CSMD1: variants seen among roughly 807,000 people sequenced by gnomAD.
The protein encoded by CSMD1 is CUB and Sushi multiple domains 1.
Under a neutral mutation model 417.5 loss-of-function variants are expected in CSMD1, and 213 were observed. The observed-to-expected ratio is 0.51, with a 90% confidence interval of 0.46 to 0.57. The LOEUF (loss-of-function observed/expected upper bound fraction) is 0.57, where lower values mean the gene tolerates loss of function less well. Ranked by LOEUF, CSMD1 falls within the 20% of genes least tolerant of loss-of-function variation. The pLI, the probability that CSMD1 is intolerant of heterozygous loss-of-function variation, is 0.00. For synonymous variants in CSMD1, 2,862 were observed against 1,736.8 expected (o/e 1.65, Z -16.11); for missense variants, 6,923 against 4,529.7 (o/e 1.53, Z -15.17).
chr8:3,079,738 G>A (rs1004053882), intron 49 of CSMD1, among the ~76,000 whole-genome samples: 1 of 152,114 alleles, frequency 6.6e-6, no homozygotes, highest in Non-Finnish European at 1.5e-5. Context: ...TGAATGCAGG[G>A]TATAATGGAA....
intron 3 of CSMD1, among the ~76,000 whole-genome samples, chr8:4,397,321 A>G (rs939119170): frequency 1.3e-5 from 2 of 152,206 alleles, no homozygotes; most frequent in East Asian, 3.8e-4. Flanking sequence ...ATGTATAAGC[A>G]TATTCAACTG....
intron 1 of CSMD1, among the ~76,000 whole-genome samples, chr8:4,861,986 T>C (rs1802163848): frequency 6.6e-6 from 1 of 152,034 alleles, no homozygotes; most frequent in African/African-American, 2.4e-5. Flanking sequence ...TTAACTAGTA[T>C]TGAACATGAA....
intron 1 of CSMD1, among the ~76,000 whole-genome samples, chr8:4,924,137 A>C (rs1040904333): frequency 6.6e-6 from 1 of 152,234 alleles, no homozygotes; most frequent in African/African-American, 2.4e-5. Flanking sequence ...GCTCACAAAT[A>C]AACATCCAGA....
intron 6 of CSMD1, among the ~76,000 whole-genome samples, chr8:3,728,971 G>T (rs1199664155): frequency 2.0e-5 from 3 of 152,206 alleles, no homozygotes; most frequent in African/African-American, 7.2e-5. Flanking sequence ...AATATCTGCA[G>T]GGCTGAGGTG....
At chr8:3,434,264 G>C (rs921101680) in intron 12 of CSMD1, among the ~76,000 whole-genome samples, 12 of 152,110 alleles carry the variant, frequency 7.9e-5, no homozygotes, top group African/African-American at 2.9e-4. Flanking sequence ...TTTTAAAACT[G>C]TGTTTCATTT....
At chr8:3,617,534 T>C (rs1450102593) in intron 7 of CSMD1, among the ~76,000 whole-genome samples, 1 of 152,088 alleles carries the variant, frequency 6.6e-6, no homozygotes, top group Non-Finnish European at 1.5e-5. Context: ...TAATGAGATG[T>C]GAGGGGAAGT....
intron 3 of CSMD1, among the ~76,000 whole-genome samples, chr8:4,300,322 T>G (rs1310277909): frequency 6.6e-6 from 1 of 152,152 alleles, no homozygotes; most frequent in African/African-American, 2.4e-5. Context: ...CCTCAAAAAG[T>G]TTGTGGAAAA....
At chr8:4,237,622 C>A (rs1344366950) in intron 3 of CSMD1, among the ~76,000 whole-genome samples, 2 of 151,960 alleles carry the variant, frequency 1.3e-5, no homozygotes, top group Non-Finnish European at 2.9e-5. Context: ...GCAGCCTCAA[C>A]CTCCTGCCTC....
chr8:3,636,808 T>C (rs56332609), intron 7 of CSMD1, among the ~76,000 whole-genome samples: 1 of 152,092 alleles, frequency 6.6e-6, no homozygotes, highest in Non-Finnish European at 1.5e-5. Flanking sequence ...TACGATCATA[T>C]CTTTTCTTTA....
At chr8:3,444,825 C>T (rs1255319019) in intron 12 of CSMD1, among the ~76,000 whole-genome samples, 1 of 152,166 alleles carries the variant, frequency 6.6e-6, no homozygotes, top group Non-Finnish European at 1.5e-5. Flanking sequence ...TATAGGAGAA[C>T]CTCAGCAAGT....
chr8:3,519,657 C>A (rs562977726), intron 10 of CSMD1, among the ~76,000 whole-genome samples: 2 of 152,286 alleles, frequency 1.3e-5, no homozygotes, highest in South Asian at 4.1e-4. Flanking sequence ...GAAAGCTTAT[C>A]AAGCAGCATG....
intron 1 of CSMD1, among the ~76,000 whole-genome samples, chr8:4,905,072 C>G (rs898910868): frequency 6.6e-6 from 1 of 152,072 alleles, no homozygotes; most frequent in Non-Finnish European, 1.5e-5. Context: ...CATTTCTCTG[C>G]CAGCATAGGA....
intron 10 of CSMD1, among the ~76,000 whole-genome samples, chr8:3,497,352 G>A (rs1213498232): frequency 6.6e-6 from 1 of 151,990 alleles, no homozygotes. Flanking sequence ...GTTTACAATT[G>A]TTATACATTA....
chr8:4,652,056 T>A (rs1180131656), intron 1 of CSMD1, among the ~76,000 whole-genome samples: 1 of 152,146 alleles, frequency 6.6e-6, no homozygotes, highest in Non-Finnish European at 1.5e-5. Context: ...CATGATTGAG[T>A]CAGGAAGAAC....
intron 12 of CSMD1, among the ~76,000 whole-genome samples, chr8:3,443,656 A>C (rs752206830): frequency 6.6e-6 from 1 of 152,336 alleles, no homozygotes; most frequent in African/African-American, 2.4e-5. Context: ...AAGTATGCAA[A>C]TCTTTGTATA....
chr8:3,509,543 T>G (rs1341663505), intron 10 of CSMD1, among the ~76,000 whole-genome samples: 1 of 152,212 alleles, frequency 6.6e-6, no homozygotes, highest in Non-Finnish European at 1.5e-5. Flanking sequence ...CAAGATTGCC[T>G]CTAAATTTTA....
chr8:3,659,164 G>A (rs968708612), intron 7 of CSMD1, among the ~76,000 whole-genome samples: 2 of 152,134 alleles, frequency 1.3e-5, no homozygotes, highest in Non-Finnish European at 2.9e-5. Context: ...CAGATTCATG[G>A]AATCATTTCT....
intron 1 of CSMD1, among the ~76,000 whole-genome samples, chr8:4,765,189 T>C (rs1000769377): frequency 6.6e-6 from 1 of 152,160 alleles, no homozygotes; most frequent in African/African-American, 2.4e-5. Flanking sequence ...AGAAACTGTG[T>C]TCTTCCGTCT....
chr8:3,886,264 G>T (rs1391625075), intron 5 of CSMD1, among the ~76,000 whole-genome samples: 1 of 152,036 alleles, frequency 6.6e-6, no homozygotes. Flanking sequence ...GGCCTGGCTG[G>T]TCTCAAACTC....
Sources: allele counts gnomAD v4.1 joint callset (sites outside exome capture counted in the v4.1 genomes callset), GRCh38; gene constraint gnomAD v4.1.1; transcripts MANE v1.5; gene names NCBI Gene and HGNC (gene_info 2026-07-23, HGNC 2026-07-21).